The following TCF7L2 variants were observed in gnomAD, a reference collection of about 807,000 sequenced individuals.
TCF7L2 encodes transcription factor 7-like 2.
TCF7L2 carries 23 observed loss-of-function variants against 77.9 expected under a neutral mutation model. That is an observed-to-expected ratio of 0.30 (90% CI 0.21 to 0.42). The LOEUF is 0.42. Ranked by LOEUF, TCF7L2 falls within the 10% of genes least tolerant of loss-of-function variation. The pLI is 1.00. For synonymous variants in TCF7L2, 413 were observed against 340.2 expected (o/e 1.21, Z -2.36); for missense variants, 654 against 793.1 (o/e 0.82, Z 2.11).
intron 4 of TCF7L2, among the ~76,000 whole-genome samples, chr10:112,973,874 G>A (rs1016745929): frequency 3.3e-5 from 5 of 152,208 alleles, no homozygotes; most frequent in Non-Finnish European, 7.3e-5. Flanking sequence ...ATAGGTGGGG[G>A]CCACTGCACC....
chr10:113,153,203 C>T (rs2071124365), intron 11 of TCF7L2, among the ~76,000 whole-genome samples: 1 of 152,262 alleles, frequency 6.6e-6, no homozygotes, highest in Non-Finnish European at 1.5e-5. Flanking sequence ...TTCCTCTCCT[C>T]CCATGAGCAC....
At chr10:113,135,834 G>A (rs1183696254) in intron 5 of TCF7L2, among the ~76,000 whole-genome samples, 1 of 152,190 alleles carries the variant, frequency 6.6e-6, no homozygotes, top group African/African-American at 2.4e-5. Flanking sequence ...GGGTTTAGGG[G>A]CAATATTTGC....
intron 5 of TCF7L2, among the ~76,000 whole-genome samples, chr10:113,124,582 A>G (rs151216027): frequency 0.013 from 1,932 of 152,274 alleles, 33 homozygotes; most frequent in African/African-American, 0.045. Context: ...GCATATATGT[A>G]TAATATAGTT....
intron 5 of TCF7L2, among the ~76,000 whole-genome samples, chr10:113,112,873 C>T (rs2063303972): frequency 6.6e-6 from 1 of 152,136 alleles, no homozygotes; most frequent in Admixed American, 6.5e-5. Flanking sequence ...TTCAGATCCT[C>T]CTCCTTTTAA....
At chr10:112,964,802 G>GTGA (rs2036246777) in intron 4 of TCF7L2, among the ~76,000 whole-genome samples, 178 bp downstream of exon 4, 1 of 135,880 alleles carries the variant, frequency 7.4e-6, no homozygotes, top group African/African-American at 3.2e-5. Context: ...GATGGTGGTG[G>GTGA]TGGTGGTGGT....
chr10:113,065,059 G>GGA (rs1355327837), intron 5 of TCF7L2, among the ~76,000 whole-genome samples: 10 of 152,156 alleles, frequency 6.6e-5, no homozygotes, highest in Admixed American at 2.6e-4. Context: ...GGGAAAAAAG[G>GGA]GCCAGGTTCC....
chr10:113,026,769 A>G (rs2049252722), intron 4 of TCF7L2, among the ~76,000 whole-genome samples: 1 of 152,166 alleles, frequency 6.6e-6, no homozygotes, highest in Non-Finnish European at 1.5e-5. Flanking sequence ...AGAAGTGGAG[A>G]TGGCCAGGTT....
chr10:113,038,349 G>C (rs1472616409), intron 4 of TCF7L2, among the ~76,000 whole-genome samples: 1 of 152,130 alleles, frequency 6.6e-6, no homozygotes, highest in Admixed American at 6.6e-5. Context: ...TGCTCACCAC[G>C]GGAGGCCTCT....
intron 10 of TCF7L2, among the ~76,000 whole-genome samples, chr10:113,152,126 T>C (rs976451552): frequency 6.6e-6 from 1 of 152,148 alleles, no homozygotes; most frequent in Admixed American, 6.5e-5. Context: ...CAGAATGACA[T>C]AGATAACAAA....
chr10:113,150,468 CA>C (rs1296404311), intron 8 of TCF7L2, among the ~76,000 whole-genome samples: 1 of 151,960 alleles, frequency 6.6e-6, no homozygotes, highest in Non-Finnish European at 1.5e-5. Context: ...GGACACAGCA[CA>C]AAAGAAAAAT....
intron 4 of TCF7L2, among the ~76,000 whole-genome samples, chr10:112,979,774 TA>T (rs970859998): frequency 6.7e-6 from 1 of 148,480 alleles, no homozygotes; most frequent in African/African-American, 2.4e-5. Context: ...ATAAAAAAAA[TA>T]AAAAAAATAA....
chr10:113,012,823 A>G (rs1262360558), intron 4 of TCF7L2, among the ~76,000 whole-genome samples: 1 of 152,194 alleles, frequency 6.6e-6, no homozygotes, highest in Admixed American at 6.5e-5. Context: ...TTTTCTTAAA[A>G]ATAACACTCA....
intron 5 of TCF7L2, among the ~76,000 whole-genome samples, chr10:113,097,672 A>C (rs1452750658): frequency 6.5e-5 from 8 of 122,728 alleles, no homozygotes; most frequent in East Asian, 2.0e-4. Flanking sequence ...AAAAAAAAAA[A>C]AACAACCATG....
intron 3 of TCF7L2, among the ~76,000 whole-genome samples, chr10:112,953,529 C>T (rs1340683231): frequency 1.3e-5 from 2 of 152,204 alleles, no homozygotes; most frequent in Non-Finnish European, 2.9e-5. Flanking sequence ...CTCCCCTCCC[C>T]CTTCCGATGG....
At chr10:113,111,685 G>A (rs1472473421) in intron 5 of TCF7L2, among the ~76,000 whole-genome samples, 2 of 152,052 alleles carry the variant, frequency 1.3e-5, no homozygotes, top group African/African-American at 2.4e-5. Context: ...TCAGCCACTC[G>A]GGAGGCTGAG....
intron 5 of TCF7L2, among the ~76,000 whole-genome samples, chr10:113,044,833 C>T (rs114140435): frequency 0.021 from 3,260 of 152,138 alleles, 108 homozygotes; most frequent in African/African-American, 0.074. Flanking sequence ...GGCTAGAGGT[C>T]GGGCAGGGCT....
chr10:113,126,641 CTTCCCTATCAAGCGAGATAA>C (rs1239049182), intron 5 of TCF7L2: 1 of 985,118 alleles, frequency 1.0e-6, no homozygotes, highest in African/African-American at 1.7e-5. Context: ...TTATTGTGCT[CTTCCCTATCAAGCGAGATAA>C]TTCTGTGAAT....
At chr10:112,997,713 C>T (rs1412340247) in intron 4 of TCF7L2, among the ~76,000 whole-genome samples, 1 of 152,190 alleles carries the variant, frequency 6.6e-6, no homozygotes, top group East Asian at 1.9e-4. Flanking sequence ...TGCCTTCCTT[C>T]TGAGTAATTT....
At chr10:113,128,784 G>C (rs1043876184) in intron 5 of TCF7L2, among the ~76,000 whole-genome samples, 1 of 152,124 alleles carries the variant, frequency 6.6e-6, no homozygotes, top group Non-Finnish European at 1.5e-5. Context: ...AAAAGAGGAC[G>C]ATTTCTGGCC....
Sources: gnomAD v4.1 joint callset for allele counts (sites outside exome capture counted in the v4.1 genomes callset) on GRCh38, gnomAD v4.1.1 for gene constraint, MANE v1.5 for transcripts, NCBI Gene and HGNC (gene_info 2026-07-23, HGNC 2026-07-21) for gene names.